Variants in FREM1 observed in about 807,000 individuals in gnomAD.
The protein encoded by FREM1 is FRAS1-related extracellular matrix protein 1.
FREM1 carries 220 observed loss-of-function variants against 210.1 expected under a neutral mutation model. The observed-to-expected ratio is 1.05, with a 90% CI of 0.94 to 1.17. FREM1 has a LOEUF of 1.17. Among genes scored for constraint, FREM1 ranks in the 50% most tolerant of loss-of-function variants. The probability of loss-of-function intolerance (pLI) is 0.00; values close to 1 mark genes in which losing one functional copy is unlikely to be tolerated. For synonymous variants in FREM1, 1,189 were observed against 980.2 expected, an observed-to-expected ratio of 1.21 and a Z score of -3.98; for missense variants, 3,454 against 2,675.5, an observed-to-expected ratio of 1.29 and a Z score of -6.42.
chr9:14,806,978 G>A (rs1260685653), intron 17 of FREM1, 132 bp from the exon 18 acceptor site: 1 of 527,934 alleles, frequency 1.9e-6, no homozygotes, highest in Non-Finnish European at 3.3e-6. Flanking sequence ...CATGGGAGAT[G>A]TTCATTTTCT....
intron 1 of FREM1, among the ~76,000 whole-genome samples, chr9:14,873,772 T>C (rs1383762854): frequency 6.6e-6 from 1 of 152,248 alleles, no homozygotes; most frequent in African/African-American, 2.4e-5. Context: ...GGTGTCAATT[T>C]TGGATCTTTC....
At chr9:14,879,631 G>GGAATT (rs1834428621) in intron 1 of FREM1, among the ~76,000 whole-genome samples, 1 of 152,114 alleles carries the variant, frequency 6.6e-6, no homozygotes, top group African/African-American at 2.4e-5. Context: ...ACCATGGAAT[G>GGAATT]GAATGTAACT....
At chr9:14,744,710 T>C (rs1563813366) in intron 35 of FREM1, among the ~76,000 whole-genome samples, 2 of 152,184 alleles carry the variant, frequency 1.3e-5, no homozygotes, top group African/African-American at 2.4e-5. Flanking sequence ...TATACAACAT[T>C]TTTATGAAGC....
chr9:14,823,920 T>G (rs1283712724), intron 12 of FREM1, 105 bp downstream of exon 12: 1 of 540,298 alleles, frequency 1.9e-6, no homozygotes, highest in East Asian at 3.0e-5. Flanking sequence ...GTCAAGTCTT[T>G]GTGGATGTCA....
chr9:14,774,140 T>G (rs762960003), intron 25 of FREM1: 1 of 518,914 alleles, frequency 1.9e-6, no homozygotes, highest in African/African-American at 1.9e-5. Flanking sequence ...ACCTCCTGAC[T>G]GCCAAGGACT....
chr9:14,763,607 A>G (rs1462470478), intron 27 of FREM1, among the ~76,000 whole-genome samples: 2 of 152,162 alleles, frequency 1.3e-5, no homozygotes, highest in African/African-American at 4.8e-5. Context: ...TTGGATTTGA[A>G]CTTGTGAGGC....
At chr9:14,802,389 C>G (rs924939687) in intron 19 of FREM1, among the ~76,000 whole-genome samples, 2 of 152,150 alleles carry the variant, frequency 1.3e-5, no homozygotes, top group African/African-American at 4.8e-5. Flanking sequence ...GTAAAAACTT[C>G]TGTATTTCCA....
chr9:14,741,034 T>C (rs1171258832), intron 35 of FREM1, among the ~76,000 whole-genome samples: 2 of 152,100 alleles, frequency 1.3e-5, no homozygotes, highest in African/African-American at 4.8e-5. Flanking sequence ...CATGTATACA[T>C]GTATCATAAC....
chr9:14,785,837 T>C (rs1850342865), intron 23 of FREM1, among the ~76,000 whole-genome samples: 1 of 152,156 alleles, frequency 6.6e-6, no homozygotes, highest in Non-Finnish European at 1.5e-5. Flanking sequence ...TTCTGGAGAT[T>C]GGATGGACAA....
chr9:14,801,659 G>A lies in FREM1; in HGVS notation c.3687C>T (p.Leu1229=), dbSNP rs1201645909. 2.5e-6 allele frequency: 4 copies of A among 1,604,978 alleles called. No individual in the cohort carries two copies. The highest frequency in any genetic ancestry group is 3.4e-6 in the Non-Finnish European group (4 of 1,171,712). The change falls in exon 20 of 37, where the codon CTC becomes CTT. Residue 1229 remains leucine (L), a synonymous_variant. Transcript: ENST00000380880. ...APVHSFSMEL[L]KTGMRLTYMH... ...AAGTGGAACATGCTATACCAGTCTT[G>A]AGGAGTTCCATGGAAAAGCTGTGAA...
intron 22 of FREM1, among the ~76,000 whole-genome samples, chr9:14,790,159 G>C (rs1256473026): frequency 6.6e-6 from 1 of 152,180 alleles, no homozygotes; most frequent in Non-Finnish European, 1.5e-5. Flanking sequence ...GTGGGATGAA[G>C]ACACTGACCT....
chr9:14,845,160 T>A (rs1826355043), intron 8 of FREM1, among the ~76,000 whole-genome samples: 3 of 152,230 alleles, frequency 2.0e-5, no homozygotes, highest in Non-Finnish European at 4.4e-5. Context: ...TATCATAAAG[T>A]GTAAATATTA....
At chr9:14,861,956 T>A (rs1464191703) in intron 3 of FREM1, among the ~76,000 whole-genome samples, 1 of 152,202 alleles carries the variant, frequency 6.6e-6, no homozygotes, top group African/African-American at 2.4e-5. Flanking sequence ...TCATTAACCA[T>A]CCCCATGTTC....
In FREM1 at chr9:14,807,970, C is replaced by T. The variant is rs759011840; in HGVS notation, c.3058G>A (p.Val1020Ile). 1.2e-6 allele frequency: 2 copies of T among 1,613,440 alleles called. No individual in the cohort carries two copies. The highest frequency in any genetic ancestry group is 2.2e-5 in the South Asian group (2 of 90,974). ...GCAATGGAAGGTGGCTGGTTGTCTA[C>T]TGGGTATACCGTGATGTTGAGATCA... ...VYDLNITVYP[V>I]DNQPPSIAIG... Residue 1020 changes from valine (V) to isoleucine (I), a missense_variant, in exon 17 of 37, where the codon GTA becomes ATA. By Grantham distance (29) the Val-to-Ile change is conservative. Transcript: ENST00000380880.
intron 10 of FREM1, among the ~76,000 whole-genome samples, chr9:14,831,537 A>T (rs1344149620): frequency 6.6e-6 from 1 of 152,204 alleles, no homozygotes; most frequent in East Asian, 1.9e-4. Context: ...CATTCCTTTA[A>T]GGCACCTATT....
intron 35 of FREM1, among the ~76,000 whole-genome samples, chr9:14,740,959 C>G (rs990413930): frequency 6.6e-6 from 1 of 151,984 alleles, no homozygotes; most frequent in Non-Finnish European, 1.5e-5. Context: ...TAAGAAGCCA[C>G]TAAGTAATTC....
chr9:14,750,892 C>G (rs971401505), intron 29 of FREM1, among the ~76,000 whole-genome samples: 8 of 152,114 alleles, frequency 5.3e-5, no homozygotes, highest in Non-Finnish European at 8.8e-5. Flanking sequence ...TTCCCTCTTT[C>G]TGGCTGCCTC....
intron 13 of FREM1, 32 bp from the exon 14 acceptor site, chr9:14,819,474 G>A: frequency 1.4e-6 from 2 of 1,447,628 alleles, no homozygotes; most frequent in Non-Finnish European, 1.9e-6. Flanking sequence ...AACATTCAAA[G>A]CCTTTTTCCA....
chr9:14,843,875 C>T (rs1826135101), intron 8 of FREM1, among the ~76,000 whole-genome samples: 2 of 152,168 alleles, frequency 1.3e-5, no homozygotes, highest in South Asian at 4.1e-4. Flanking sequence ...GGCTCAAAGA[C>T]CAAGAGCTAG....
Sources: gnomAD v4.1 joint callset for allele counts (sites outside exome capture counted in the v4.1 genomes callset) on GRCh38, gnomAD v4.1.1 for gene constraint, MANE v1.5 for transcripts, NCBI Gene and HGNC (gene_info 2026-07-23, HGNC 2026-07-21) for gene names.